The following WDR70 variants were observed in gnomAD, a reference collection of about 807,000 sequenced individuals.
The protein encoded by WDR70 is WD repeat domain 70, also known as WD repeat-containing protein 70.
A neutral mutation model predicts 88.6 loss-of-function variants in WDR70; 53 were observed. The ratio of observed to expected loss-of-function variants is 0.60; its 90% confidence interval spans 0.48 to 0.75. The LOEUF is 0.75. Ranked by LOEUF, WDR70 falls within the 30% of genes least tolerant of loss-of-function variation. WDR70 has a pLI of 0.00. For missense variants in WDR70, 610 were observed against 823.2 expected, an observed-to-expected ratio of 0.74 and a Z score of 3.17; for synonymous variants, 280 against 270.0, an observed-to-expected ratio of 1.04 and a Z score of -0.36.
At chr5:37,503,267 T>A (rs1581343964) in intron 8 of WDR70, among the ~76,000 whole-genome samples, 3 of 148,872 alleles carry the variant, frequency 2.0e-5, no homozygotes, top group Non-Finnish European at 3.0e-5. Flanking sequence ...TTTTTTTTTT[T>A]AAACTGTAAG....
chr5:37,475,443 G>T (rs1337345709), intron 7 of WDR70, among the ~76,000 whole-genome samples: 1 of 151,842 alleles, frequency 6.6e-6, no homozygotes, highest in Admixed American at 6.6e-5. Flanking sequence ...TCTCCATGTT[G>T]GTCAGGCTGG....
intron 5 of WDR70, among the ~76,000 whole-genome samples, chr5:37,399,428 AT>A (rs1008619792): frequency 5.9e-5 from 9 of 151,664 alleles, no homozygotes; most frequent in African/African-American, 1.9e-4. Flanking sequence ...TCAAAAAAAA[AT>A]TTTTTTTTCA....
intron 7 of WDR70, among the ~76,000 whole-genome samples, chr5:37,460,724 A>G (rs1330814122): frequency 2.0e-5 from 3 of 147,948 alleles, no homozygotes; most frequent in Non-Finnish European, 3.0e-5. Context: ...AATAAAAAAT[A>G]AAAACAAAAA....
intron 3 of WDR70, among the ~76,000 whole-genome samples, chr5:37,390,562 G>A (rs1283447742): frequency 6.6e-6 from 1 of 151,534 alleles, no homozygotes; most frequent in African/African-American, 2.4e-5. Flanking sequence ...GGATGGTCTC[G>A]ATCTCCTGAC....
At chr5:37,558,915 T>C (rs1457710349) in intron 9 of WDR70, among the ~76,000 whole-genome samples, 3 of 151,518 alleles carry the variant, frequency 2.0e-5, no homozygotes, top group South Asian at 4.2e-4. Context: ...TAATTTGGTG[T>C]ATTCTTTTTT....
At chr5:37,738,235 T>C (rs959311809) in intron 17 of WDR70, among the ~76,000 whole-genome samples, 2 of 152,194 alleles carry the variant, frequency 1.3e-5, no homozygotes, top group African/African-American at 2.4e-5. Context: ...ATGGCTATAA[T>C]TGACTTTGGC....
intron 13 of WDR70, among the ~76,000 whole-genome samples, chr5:37,717,784 C>T (rs1418814695): frequency 6.6e-6 from 1 of 152,302 alleles, no homozygotes; most frequent in East Asian, 1.9e-4. Context: ...AGATGCATTT[C>T]CTTGACAGGA....
intron 8 of WDR70, chr5:37,506,204 C>A: frequency 1.0e-6 from 1 of 982,304 alleles, no homozygotes; most frequent in Non-Finnish European, 1.7e-6. Context: ...TCTGGTATCA[C>A]AGTTCTGACT....
At chr5:37,507,946 A>C (rs1740611004) in intron 8 of WDR70, among the ~76,000 whole-genome samples, 2 of 152,050 alleles carry the variant, frequency 1.3e-5, no homozygotes, top group Non-Finnish European at 2.9e-5. Context: ...CTCCTTTTAC[A>C]ATCCGAATGC....
intron 9 of WDR70, among the ~76,000 whole-genome samples, chr5:37,585,280 G>A (rs1337670917): frequency 7.2e-5 from 11 of 152,022 alleles, no homozygotes; most frequent in African/African-American, 2.2e-4. Context: ...GTGAGCTACC[G>A]CGCCCAGCCT....
rs767453466 is a variant in WDR70 at position 37,401,083 on chromosome 5, T to C, written c.492+4513T>C. On this transcript the variant is annotated intron_variant, in intron 5 of 17. Coordinates refer to ENST00000265107, the MANE Select transcript of WDR70 (RefSeq NM_018034.4). ...GTGTAATCAAAGCTCACTACATCCT[T>C]GACCTCCTGGGCTTAAGTGATCCTC... 8.6e-5 allele frequency among the ~76,000 whole-genome samples: 13 copies of C among 151,304 alleles called. No homozygotes were observed. In the South Asian group the frequency reaches 1.0e-3, roughly 12 times the overall value.
intron 17 of WDR70, among the ~76,000 whole-genome samples, chr5:37,741,634 G>A (rs1181339515): frequency 6.6e-6 from 1 of 152,144 alleles, no homozygotes; most frequent in Admixed American, 6.5e-5. Flanking sequence ...TGATCTTACA[G>A]GAGGTGGAGC....
chr5:37,688,070 C>A, intron 10 of WDR70: 1 of 495,848 alleles, frequency 2.0e-6, no homozygotes. Context: ...CATGTGTTTA[C>A]TTATATTTTC....
chr5:37,616,969 A>T (rs1204203443), intron 10 of WDR70, among the ~76,000 whole-genome samples: 1 of 152,146 alleles, frequency 6.6e-6, no homozygotes, highest in Non-Finnish European at 1.5e-5. Context: ...GTATGTAGTG[A>T]TGCCTATTTG....
At chr5:37,740,010 G>A (rs886667382) in intron 17 of WDR70, among the ~76,000 whole-genome samples, 6 of 152,162 alleles carry the variant, frequency 3.9e-5, no homozygotes, top group African/African-American at 1.4e-4. Context: ...TTAAAAGTGG[G>A]AATTTGTGGA....
intron 3 of WDR70, 26 bp from the exon 4 acceptor site, chr5:37,391,974 T>G: frequency 6.3e-7 from 1 of 1,581,660 alleles, no homozygotes; most frequent in Non-Finnish European, 8.5e-7. Flanking sequence ...GGGATTTTTT[T>G]GTTAATCTTT....
chr5:37,692,353 C>T (rs1333520140), intron 10 of WDR70, among the ~76,000 whole-genome samples: 4 of 152,262 alleles, frequency 2.6e-5, no homozygotes, highest in African/African-American at 9.6e-5. Context: ...GGGAATCCTC[C>T]CTAACTCATT....
chr5:37,658,215 T>C (rs972960656), intron 10 of WDR70, among the ~76,000 whole-genome samples: 2 of 151,784 alleles, frequency 1.3e-5, no homozygotes, highest in African/African-American at 4.8e-5. Flanking sequence ...GTCTCGGGGG[T>C]AGCATAGGCA....
At chr5:37,471,387 C>T (rs891082245) in intron 7 of WDR70, among the ~76,000 whole-genome samples, 3 of 151,180 alleles carry the variant, frequency 2.0e-5, no homozygotes, top group African/African-American at 4.9e-5. Context: ...GACAACTTCT[C>T]ATAACATTAT....
Sources: allele counts gnomAD v4.1 joint callset (sites outside exome capture counted in the v4.1 genomes callset), GRCh38; gene constraint gnomAD v4.1.1; transcripts MANE v1.5; gene names NCBI Gene and HGNC (gene_info 2026-07-23, HGNC 2026-07-21).